Variants in MYO6 observed in about 807,000 individuals in gnomAD.
MYO6 encodes the protein myosin VI.
A neutral mutation model predicts 178.7 loss-of-function variants in MYO6; 74 were observed. The ratio of observed to expected loss-of-function variants is 0.41; its 90% CI spans 0.34 to 0.50. The LOEUF is 0.50. Among genes scored for constraint, MYO6 ranks in the 20% least tolerant of loss-of-function variants. MYO6 has a pLI of 0.09. For synonymous variants in MYO6, 477 were observed against 504.6 expected (o/e 0.95, Z 0.73); for missense variants, 1,330 against 1,547.4 (o/e 0.86, Z 2.36).
chr6:75,767,623 G>T (rs1216039085), intron 1 of MYO6, among the ~76,000 whole-genome samples: 1 of 148,942 alleles, frequency 6.7e-6, no homozygotes, highest in Non-Finnish European at 1.5e-5. Context: ...GGGCTTAAGC[G>T]ATCCTCCCAC....
chr6:75,762,726 C>G (rs1387036719), intron 1 of MYO6, among the ~76,000 whole-genome samples: 2 of 152,198 alleles, frequency 1.3e-5, no homozygotes, highest in Admixed American at 6.5e-5. Context: ...GGGAGGCCTC[C>G]TAGACCCAAA....
In MYO6 at chr6:75,915,605, T is replaced by G. The variant is rs549196461; in HGVS notation, c.*593T>G. ...AAGTTCTAGAATTCTAGAAAGAGCC[T>G]TAATGTATTTGATGTATTCTGTGAT... On this transcript the variant is annotated 3_prime_UTR_variant, in exon 35 of 35. Transcript: ENST00000369977. The G allele has an allele frequency of 2.3e-4, 36 of 159,102 alleles. No individual in the cohort carries two copies. The highest frequency in any genetic ancestry group is 8.2e-4 in the African/African-American group (34 of 41,582). 9.9% of individuals were successfully genotyped at this position (159,102 alleles called of 1,614,324 possible).
At chr6:75,828,761 A>G (rs1237137893) in intron 4 of MYO6, 148 bp downstream of exon 4, 1 of 632,774 alleles carries the variant, frequency 1.6e-6, no homozygotes, top group Non-Finnish European at 2.9e-6. Flanking sequence ...GAGGACAAAG[A>G]TTTTTTTCTA....
chr6:75,893,978 C>T (rs966590537), intron 28 of MYO6, among the ~76,000 whole-genome samples: 2 of 152,168 alleles, frequency 1.3e-5, no homozygotes, highest in African/African-American at 4.8e-5. Flanking sequence ...GACTAGCCGC[C>T]TAGGGCAGGC....
Position 75,840,748 on chromosome 6 carries a change from G to A in MYO6, c.651+66G>A, listed in dbSNP as rs1774141158. ...GTTTGTGAAAATGCAAGGGTCAGTT[G>A]GTGCTGTATTTGCACTTAATGGTAA... is the stretch of plus-strand genomic sequence containing the variant. On this transcript the variant is annotated intron_variant, in intron 8 of 34. Transcript: ENST00000369977. The A allele has an allele frequency of 4.2e-6, 5 of 1,198,676 alleles. No homozygotes were observed. The South Asian group carries it at 6.2e-5, about 15-fold the overall frequency. The allele number at this position is 1,198,676 out of a possible 1,614,324, so 74.3% of individuals were successfully genotyped here. A position where few individuals can be genotyped will look rare whatever the true frequency, so the allele number is the denominator to read the frequency against.
chr6:75,823,001 C>G, intron 3 of MYO6, 150 bp downstream of exon 3: 1 of 667,902 alleles, frequency 1.5e-6, no homozygotes, highest in East Asian at 2.9e-5. Context: ...TGAAGGAACT[C>G]GAGTCCTCCA....
intron 12 of MYO6, among the ~76,000 whole-genome samples, chr6:75,856,307 A>G (rs1480289694): frequency 6.6e-6 from 1 of 152,088 alleles, no homozygotes; most frequent in African/African-American, 2.4e-5. Flanking sequence ...AATCAATGCC[A>G]TTCCAGAATC....
intron 22 of MYO6, among the ~76,000 whole-genome samples, chr6:75,880,573 G>A (rs540740371): frequency 2.2e-4 from 33 of 152,284 alleles, no homozygotes; most frequent in African/African-American, 7.9e-4. Flanking sequence ...GGCCACATGT[G>A]GCCCATGGAC....
intron 1 of MYO6, among the ~76,000 whole-genome samples, chr6:75,813,927 C>T (rs1353759868): frequency 1.3e-5 from 2 of 152,146 alleles, no homozygotes; most frequent in African/African-American, 4.8e-5. Context: ...ACAAAGTCCC[C>T]TTTACCCTTC....
chr6:75,877,381 C>T (rs565653680), intron 20 of MYO6, among the ~76,000 whole-genome samples: 2 of 152,160 alleles, frequency 1.3e-5, no homozygotes, highest in African/African-American at 2.4e-5. Context: ...ATTATCCTGC[C>T]TCAGCCTCCC....
At position 75,889,125 on chromosome 6, in the gene MYO6, T is replaced by G. The variant is rs146240451; in HGVS notation, c.2659-932T>G. On this transcript the variant is annotated intron_variant, in intron 25 of 34. Transcript: ENST00000369977. ...TTATATTTTCTGCAGATATTTTATG[T>G]AAACAATGGCAATCTTGGAGGTAGA... is the stretch of plus-strand genomic sequence containing the variant. Among the ~76,000 whole-genome samples the G allele has an allele frequency of 4.3e-3, 659 of 152,248 alleles. 6 individuals are homozygous for G. Among genetic ancestry groups the G allele is most frequent in the African/African-American group, 0.015 (630 of 41,550 alleles).
chr6:75,890,394 T>A, intron 26 of MYO6, 129 bp downstream of exon 26: 1 of 1,282,590 alleles, frequency 7.8e-7, no homozygotes, highest in Non-Finnish European at 1.1e-6. Flanking sequence ...TTGCCCAGGC[T>A]GGAGTGCAGT....
chr6:75,857,271 T>A lies in MYO6; in HGVS notation c.1381+17T>A, dbSNP rs1362633235. ...CTGGTTTTGGTAAGTAGAGTTTCTTTTGTGAGTATATATTTGTTTCATATT... is the reference window on the plus strand; with the variant it reads ...CTGGTTTTGGTAAGTAGAGTTTCTTATGTGAGTATATATTTGTTTCATATT... On this transcript the variant is annotated intron_variant, in intron 13 of 34. Transcript: ENST00000369977. 1 of 1,607,664 alleles carries A rather than the reference T, an allele frequency of 6.2e-7. No individual in the cohort carries two copies. Among genetic ancestry groups the A allele is most frequent in the East Asian group, 2.2e-5 (1 of 44,842 alleles).
intron 1 of MYO6, among the ~76,000 whole-genome samples, chr6:75,757,872 T>C (rs1777594603): frequency 6.6e-6 from 1 of 152,146 alleles, no homozygotes; most frequent in Middle Eastern, 3.4e-3. Context: ...TCATTATTAT[T>C]GTTGTTACTG....
chr6:75,913,062 A>G (rs1780882054), intron 33 of MYO6, among the ~76,000 whole-genome samples: 1 of 152,114 alleles, frequency 6.6e-6, no homozygotes, highest in Admixed American at 6.6e-5. Flanking sequence ...TCATATGTAC[A>G]TTTTACAATA....
At chr6:75,839,380 G>A (rs1485016513) in intron 7 of MYO6, among the ~76,000 whole-genome samples, 1 of 151,856 alleles carries the variant, frequency 6.6e-6, no homozygotes, top group Non-Finnish European at 1.5e-5. Flanking sequence ...AGTAGAGACG[G>A]GGTTTCAACG....
intron 28 of MYO6, chr6:75,894,919 G>C: frequency 1.0e-6 from 1 of 987,546 alleles, no homozygotes; most frequent in Middle Eastern, 2.7e-4. Flanking sequence ...TTGATGCAAA[G>C]AGATGGTTTC....
At chr6:75,754,978 C>G (rs749990913) in intron 1 of MYO6, among the ~76,000 whole-genome samples, 5 of 152,028 alleles carry the variant, frequency 3.3e-5, no homozygotes, top group Non-Finnish European at 7.4e-5. Flanking sequence ...GCCGGTAATC[C>G]CAGCACTTTG....
chr6:75,822,804 A>G lies in MYO6; in HGVS notation c.140A>G (p.Gln47Arg), dbSNP rs576924704. 2.2e-5 allele frequency: 36 copies of G among 1,613,576 alleles called. No individual in the cohort carries two copies. In the South Asian group the frequency reaches 4.0e-4, roughly 18 times the overall value. Residue 47 changes from glutamine (Q) to arginine (R), a missense_variant, in exon 3 of 35, where the codon CAA becomes CGA. Coordinates refer to ENST00000369977, the MANE Select transcript of MYO6 (RefSeq NM_004999.4). ...TAGACATTTTTGGCTCTCATAAACC[A>G]AGTGTTTCCTGCAGAAGAGGACAGT... The part of the protein sequence containing the change: ...KGKTFLALIN[Q>R]VFPAEEDSKK...
Sources: gnomAD v4.1 joint callset for allele counts (sites outside exome capture counted in the v4.1 genomes callset) on GRCh38, gnomAD v4.1.1 for gene constraint, MANE v1.5 for transcripts, NCBI Gene and HGNC (gene_info 2026-07-23, HGNC 2026-07-21) for gene names.